Variants in CDK5RAP2 observed in about 807,000 individuals in gnomAD.
CDK5RAP2 encodes the protein CDK5 regulatory subunit-associated protein 2.
A neutral mutation model predicts 232.9 loss-of-function variants in CDK5RAP2; 147 were observed. The ratio of observed to expected loss-of-function variants is 0.63; its 90% CI spans 0.55 to 0.72. CDK5RAP2 has a LOEUF of 0.72. Among genes scored for constraint, CDK5RAP2 ranks in the 30% least tolerant of loss-of-function variants. The pLI is 0.00. For missense variants in CDK5RAP2, 2,195 were observed against 2,231.5 expected, an observed-to-expected ratio of 0.98 and a Z score of 0.33; for synonymous variants, 833 against 833.7, an observed-to-expected ratio of 1.00 and a Z score of 0.01.
chr9:120,557,432 T>C (rs1045140299), intron 3 of CDK5RAP2, among the ~76,000 whole-genome samples: 4 of 152,032 alleles, frequency 2.6e-5, no homozygotes, highest in Non-Finnish European at 5.9e-5. Flanking sequence ...AAATAGCCAA[T>C]GGTTGGCAGA....
rs553238421 is a variant in CDK5RAP2, at chr9:120,457,876, C to G, written c.2375+574G>C. ...GATAAAACCACAGCTCTTTTTGGTT[C>G]CAAAGCCCAAGCAGCTGTTATGGAT... is the stretch of plus-strand genomic sequence containing the variant. On this transcript the variant is annotated intron_variant, in intron 20 of 37. Transcript: ENST00000349780. Among the ~76,000 whole-genome samples the G allele has an allele frequency of 3.9e-5, 6 of 152,200 alleles. No homozygotes were observed. In the South Asian group the frequency reaches 1.2e-3, roughly 32 times the overall value.
intron 36 of CDK5RAP2, among the ~76,000 whole-genome samples, chr9:120,393,509 C>T (rs2032185126): frequency 6.6e-6 from 1 of 152,230 alleles, no homozygotes; most frequent in Non-Finnish European, 1.5e-5. Flanking sequence ...AGGAGAGCCG[C>T]ACAAGGCAGG....
chr9:120,518,826 T>C (rs762479979), intron 11 of CDK5RAP2, among the ~76,000 whole-genome samples, 181 bp from the exon 12 acceptor site: 3 of 152,054 alleles, frequency 2.0e-5, no homozygotes, highest in Non-Finnish European at 4.4e-5. Flanking sequence ...AGATAATGTT[T>C]CTTATGATGT....
At chr9:120,487,238 T>C in intron 14 of CDK5RAP2, 56 bp downstream of exon 14, 2 of 1,590,844 alleles carry the variant, frequency 1.3e-6, no homozygotes, top group South Asian at 2.2e-5. Flanking sequence ...CAAATATGTT[T>C]CAAAAAAGTG....
At chr9:120,428,296 C>A (rs1027465507) in intron 25 of CDK5RAP2, among the ~76,000 whole-genome samples, 4 of 151,954 alleles carry the variant, frequency 2.6e-5, no homozygotes, top group African/African-American at 9.7e-5. Flanking sequence ...AAAAACCCTT[C>A]AAAAAATTAA....
At chr9:120,410,366 A>C (rs2033772310) in intron 29 of CDK5RAP2, among the ~76,000 whole-genome samples, 1 of 152,144 alleles carries the variant, frequency 6.6e-6, no homozygotes, top group African/African-American at 2.4e-5. Context: ...TCTATTTAAA[A>C]GGCCCTGGCT....
rs1588484108 is a variant in CDK5RAP2, at chr9:120,495,927, A to T, written c.1312-4450T>A. 1.8e-4 allele frequency among the ~76,000 whole-genome samples: 13 copies of T among 72,336 alleles called. No individual in the cohort carries two copies. The South Asian group carries it at 3.1e-3, about 17-fold the overall frequency. 47.5% of individuals were successfully genotyped at this position (72,336 alleles called of 152,430 possible). A position where few individuals can be genotyped will look rare whatever the true frequency, so the allele number is the denominator to read the frequency against. On this transcript the variant is annotated intron_variant, in intron 12 of 37. Transcript: ENST00000349780. ...GCCAGCCACCCCGTCCGGGAGGGAG[A>T]TGGGGGGGTCAGCCCCCCCACCCGG...
At chr9:120,519,003 C>T (rs1227230869) in intron 11 of CDK5RAP2, among the ~76,000 whole-genome samples, 1 of 151,718 alleles carries the variant, frequency 6.6e-6, no homozygotes, top group Non-Finnish European at 1.5e-5. Context: ...GGTGAAACCC[C>T]GTCTCTACTA....
intron 2 of CDK5RAP2, among the ~76,000 whole-genome samples, chr9:120,569,731 G>A (rs1384028202): frequency 2.0e-5 from 3 of 152,172 alleles, no homozygotes; most frequent in Non-Finnish European, 4.4e-5. Flanking sequence ...TGCAGCTAAG[G>A]AGTAAGATGA....
At chr9:120,478,861 A>C (rs2038160160) in intron 14 of CDK5RAP2, among the ~76,000 whole-genome samples, 1 of 152,198 alleles carries the variant, frequency 6.6e-6, no homozygotes, top group Admixed American at 6.5e-5. Context: ...TTCATCACAC[A>C]AAAAAAGGTA....
chr9:120,554,225 G>A (rs559219030), intron 3 of CDK5RAP2, among the ~76,000 whole-genome samples: 2 of 152,284 alleles, frequency 1.3e-5, no homozygotes, highest in African/African-American at 4.8e-5. Flanking sequence ...GCATAAAGAA[G>A]TACACTGTAT....
intron 3 of CDK5RAP2, among the ~76,000 whole-genome samples, chr9:120,565,218 T>A (rs1310250241): frequency 1.3e-5 from 2 of 152,174 alleles, no homozygotes; most frequent in Non-Finnish European, 2.9e-5. Context: ...ACATGTCAAA[T>A]GAAAGCACTG....
chr9:120,508,676 ACCTCCCATTC>A (rs2039943374), intron 12 of CDK5RAP2, among the ~76,000 whole-genome samples: 2 of 151,700 alleles, frequency 1.3e-5, no homozygotes, highest in East Asian at 3.9e-4. Context: ...ATGCATTCCC[ACCTCCCATTC>A]CCCCAGGCAA....
chr9:120,412,946 A>G (rs1448065291), intron 28 of CDK5RAP2, among the ~76,000 whole-genome samples: 1 of 152,220 alleles, frequency 6.6e-6, no homozygotes, highest in Non-Finnish European at 1.5e-5. Flanking sequence ...TTTCAGAGAC[A>G]CCTGGGTTTG....
At chr9:120,469,455 G>T (rs1292785989) in intron 17 of CDK5RAP2, among the ~76,000 whole-genome samples, 1 of 152,128 alleles carries the variant, frequency 6.6e-6, no homozygotes, top group Non-Finnish European at 1.5e-5. Flanking sequence ...ATTATTCCCA[G>T]ATAGAAACTG....
chr9:120,491,570 A>C, intron 12 of CDK5RAP2, 93 bp from the exon 13 acceptor site: 1 of 828,354 alleles, frequency 1.2e-6, no homozygotes, highest in East Asian at 2.6e-5. Context: ...CAAGAGAGCA[A>C]GATAATAGAT....
intron 27 of CDK5RAP2, among the ~76,000 whole-genome samples, chr9:120,415,412 C>A (rs544990082): frequency 6.6e-6 from 1 of 152,156 alleles, no homozygotes; most frequent in Admixed American, 6.5e-5. Context: ...ATATTCCATA[C>A]AATTTTAATG....
chr9:120,393,337 CCTGCTCAGTGG>C (rs1180791843), intron 36 of CDK5RAP2, among the ~76,000 whole-genome samples: 6 of 152,218 alleles, frequency 3.9e-5, no homozygotes, highest in African/African-American at 7.2e-5. Context: ...GAACTCAGTG[CCTGCTCAGTGG>C]CTGCGCTCCT....
intron 35 of CDK5RAP2, 64 bp from the exon 36 acceptor site, chr9:120,394,702 T>C: frequency 7.8e-7 from 1 of 1,283,652 alleles, no homozygotes; most frequent in Non-Finnish European, 1.1e-6. Context: ...ACAGGAAGAA[T>C]TACAAAGCCA....
Sources: allele counts gnomAD v4.1 joint callset (sites outside exome capture counted in the v4.1 genomes callset), GRCh38; gene constraint gnomAD v4.1.1; transcripts MANE v1.5; gene names NCBI Gene and HGNC (gene_info 2026-07-23, HGNC 2026-07-21).